FILIP1L: variants seen among roughly 807,000 people sequenced by gnomAD.
FILIP1L encodes the protein filamin A interacting protein 1 like, also known as filamin A-interacting protein 1-like.
Under a neutral mutation model 96.6 loss-of-function variants are expected in FILIP1L, and 55 were observed. The observed-to-expected ratio is 0.57, with a 90% CI of 0.46 to 0.71. FILIP1L has a LOEUF of 0.71. Among genes scored for constraint, FILIP1L ranks in the 30% least tolerant of loss-of-function variants. The pLI, the probability that FILIP1L is intolerant of heterozygous loss-of-function variation, is 0.00. For missense variants in FILIP1L, 1,304 were observed against 1,321.2 expected, an observed-to-expected ratio of 0.99 and a Z score of 0.20; for synonymous variants, 467 against 473.9, an observed-to-expected ratio of 0.99 and a Z score of 0.19.
chr3:100,092,713 G>GA lies in FILIP1L; in HGVS notation c.-11+21339dup, dbSNP rs531614185. Among the ~76,000 whole-genome samples, 1,104 of 149,214 alleles carry GA rather than the reference G, an allele frequency of 7.4e-3. 5 individuals are homozygous for GA. The highest frequency in any genetic ancestry group is 0.011 in the African/African-American group (440 of 40,300). On this transcript the variant is annotated intron_variant, in intron 1 of 5. Transcript: ENST00000477258. ...TATTATTTTAGGTTCTCCCTTTAGAGAAAAAAATATTCATACTTACTCTGA... is the reference window on the plus strand; with the variant it reads ...TATTATTTTAGGTTCTCCCTTTAGAGAAAAAAAATATTCATACTTACTCTGA...
chr3:100,014,196 A>G (rs1412732577), intron 1 of FILIP1L, among the ~76,000 whole-genome samples: 1 of 150,898 alleles, frequency 6.6e-6, no homozygotes, highest in African/African-American at 2.4e-5. Context: ...TTGTATATGT[A>G]TATATATATT....
chr3:99,966,958 C>T (rs985413106), intron 1 of FILIP1L, among the ~76,000 whole-genome samples: 1 of 152,132 alleles, frequency 6.6e-6, no homozygotes, highest in Non-Finnish European at 1.5e-5. Flanking sequence ...TACTGCCCCA[C>T]ATGCTATACA....
chr3:99,848,898 ACT>A lies in FILIP1L; in HGVS notation c.2776_2777del (p.Pro927SerfsTer85). On this transcript the variant is annotated frameshift_variant, in exon 5 of 6. Transcript: ENST00000477258. LOFTEE classifies it high-confidence loss of function. ...CTGCAGTACTCGTGTAAGAGTGAGG[ACT>A]CTCTGTGGTTGGACTTGTGATTTCA... ...TLEITSPTTE[S>X]PHSYTSTAVI... The A allele has an allele frequency of 6.2e-7, 1 of 1,611,550 alleles. No homozygotes were observed. The highest frequency in any genetic ancestry group is 8.5e-7 in the Non-Finnish European group (1 of 1,179,104).
intron 5 of FILIP1L, among the ~76,000 whole-genome samples, chr3:99,831,175 G>A (rs1406224762): frequency 1.3e-5 from 2 of 152,218 alleles, no homozygotes; most frequent in Non-Finnish European, 2.9e-5. Flanking sequence ...ACAGTTAAAT[G>A]AATAGGATGT....
At chr3:100,026,233 C>T (rs1330181964) in intron 1 of FILIP1L, among the ~76,000 whole-genome samples, 1 of 152,024 alleles carries the variant, frequency 6.6e-6, no homozygotes, top group Non-Finnish European at 1.5e-5. Context: ...GTCAAAAATG[C>T]CCTTCGTTTA....
At chr3:100,094,669 G>C (rs1231980015) in intron 1 of FILIP1L, among the ~76,000 whole-genome samples, 2 of 131,874 alleles carry the variant, frequency 1.5e-5, no homozygotes, top group Non-Finnish European at 3.2e-5. Context: ...TGTTGGAAAA[G>C]CTGCCTTTTT....
At chr3:100,083,175 G>C (rs1237778337) in intron 1 of FILIP1L, among the ~76,000 whole-genome samples, 2 of 152,116 alleles carry the variant, frequency 1.3e-5, no homozygotes, top group African/African-American at 2.4e-5. Context: ...TTTACTTAAT[G>C]CTTCAGGATA....
chr3:100,058,602 G>A (rs1194859000), intron 1 of FILIP1L, among the ~76,000 whole-genome samples: 1 of 152,144 alleles, frequency 6.6e-6, no homozygotes, highest in Non-Finnish European at 1.5e-5. Context: ...TGGACAAAGA[G>A]AAAAGTTTCT....
chr3:99,991,958 GTGTGTATATATACACACATATA>G (rs1465278244), intron 1 of FILIP1L, among the ~76,000 whole-genome samples: 6 of 147,100 alleles, frequency 4.1e-5, no homozygotes, highest in South Asian at 2.1e-4. Context: ...GTGTATATAT[GTGTGTATATATACACACATATA>G]TGTGTATATA....
At chr3:100,024,329 T>C (rs773267947) in intron 1 of FILIP1L, among the ~76,000 whole-genome samples, 1 of 152,190 alleles carries the variant, frequency 6.6e-6, no homozygotes, top group Non-Finnish European at 1.5e-5. Context: ...ACCTTAGTGA[T>C]TGCATTTTCT....
At chr3:99,929,583 T>A (rs1707409224) in intron 3 of FILIP1L, among the ~76,000 whole-genome samples, 1 of 152,100 alleles carries the variant, frequency 6.6e-6, no homozygotes, top group Non-Finnish European at 1.5e-5. Flanking sequence ...TGTGTGTGTA[T>A]GTGCCTGCAC....
rs561982158 is a variant in FILIP1L at position 100,076,397 on chromosome 3, G to A, written c.-11+37656C>T. 8.5e-5 allele frequency among the ~76,000 whole-genome samples: 13 copies of A among 152,184 alleles called. No individual in the cohort carries two copies. In the South Asian group the frequency reaches 1.9e-3, roughly 22 times the overall value. On this transcript the variant is annotated intron_variant, in intron 1 of 5. Transcript: ENST00000477258. ...ACTGAGCTGTTTTTACTCACCACCC[G>A]CCCAACACCCTTCTTTTTCTTTTAT... is the stretch of plus-strand genomic sequence containing the variant.
At chr3:99,968,869 T>G (rs895841879) in intron 1 of FILIP1L, among the ~76,000 whole-genome samples, 3 of 152,066 alleles carry the variant, frequency 2.0e-5, no homozygotes, top group South Asian at 4.1e-4. Context: ...GTAAGAAAGT[T>G]GAGAAGGGTT....
chr3:100,019,292 T>C (rs2064761866), intron 1 of FILIP1L, among the ~76,000 whole-genome samples: 1 of 152,110 alleles, frequency 6.6e-6, no homozygotes, highest in African/African-American at 2.4e-5. Flanking sequence ...CCCAGGAGAC[T>C]GAGGCTGCAG....
At chr3:99,883,918 T>C (rs1705811858) in intron 4 of FILIP1L, among the ~76,000 whole-genome samples, 1 of 152,186 alleles carries the variant, frequency 6.6e-6, no homozygotes, top group Admixed American at 6.5e-5. Flanking sequence ...GCATACTGAC[T>C]CCAGCAACTT....
intron 5 of FILIP1L, among the ~76,000 whole-genome samples, chr3:99,845,429 C>T (rs1228631950): frequency 1.3e-5 from 2 of 152,028 alleles, no homozygotes; most frequent in African/African-American, 2.4e-5. Context: ...TTCAGAGAGA[C>T]GAAAAAACAG....
At chr3:99,974,520 A>T (rs1009036278) in intron 1 of FILIP1L, among the ~76,000 whole-genome samples, 1 of 151,926 alleles carries the variant, frequency 6.6e-6, no homozygotes, top group Non-Finnish European at 1.5e-5. Flanking sequence ...GACCAGCCTG[A>T]CCAACATGGA....
At chr3:99,960,663 GGAGTCCA>G (rs1385958998) in intron 1 of FILIP1L, among the ~76,000 whole-genome samples, 1 of 152,130 alleles carries the variant, frequency 6.6e-6, no homozygotes, top group African/African-American at 2.4e-5. Flanking sequence ...GAGAAGTAGG[GGAGTCCA>G]GAGTCCTGGT....
At chr3:99,877,281 T>G (rs1465645561) in intron 4 of FILIP1L, among the ~76,000 whole-genome samples, 1 of 152,226 alleles carries the variant, frequency 6.6e-6, no homozygotes, top group African/African-American at 2.4e-5. Context: ...CCTATTATGA[T>G]GTACATATGT....
Sources: allele counts gnomAD v4.1 joint callset (sites outside exome capture counted in the v4.1 genomes callset), GRCh38; gene constraint gnomAD v4.1.1; transcripts MANE v1.5; gene names NCBI Gene and HGNC (gene_info 2026-07-23, HGNC 2026-07-21).